The following OSBP2 variants were observed in gnomAD, a reference collection of about 807,000 sequenced individuals.
OSBP2 encodes the protein oxysterol-binding protein 2.
Under a neutral mutation model 96.0 loss-of-function variants are expected in OSBP2, and 66 were observed. The observed-to-expected ratio is 0.69, with a 90% CI of 0.56 to 0.84. OSBP2 has a LOEUF of 0.84. Ranked by LOEUF, OSBP2 falls within the 40% of genes least tolerant of loss-of-function variation. OSBP2 has a pLI of 0.00. For missense variants in OSBP2, 1,038 were observed against 1,222.7 expected (o/e 0.85, Z 2.25); for synonymous variants, 525 against 520.9 (o/e 1.01, Z -0.11).
At chr22:30,889,794 A>C (rs565620488) in intron 7 of OSBP2, among the ~76,000 whole-genome samples, 158 bp downstream of exon 7, 2 of 152,296 alleles carry the variant, frequency 1.3e-5, no homozygotes, top group East Asian at 3.9e-4. Context: ...AATCGTGCAC[A>C]TAGGCATTGC....
chr22:30,760,812 T>C (rs759906248), intron 2 of OSBP2, among the ~76,000 whole-genome samples: 12 of 151,286 alleles, frequency 7.9e-5, no homozygotes, highest in Non-Finnish European at 1.5e-4. Context: ...AGCAAGACTC[T>C]GTCTCAAAAA....
chr22:30,700,757 T>C (rs1285988015), intron 1 of OSBP2, among the ~76,000 whole-genome samples: 1 of 152,064 alleles, frequency 6.6e-6, no homozygotes, highest in Non-Finnish European at 1.5e-5. Context: ...CCTAGGTCTA[T>C]AAGGTAGATA....
chr22:30,810,764 T>G (rs534848542), intron 2 of OSBP2, among the ~76,000 whole-genome samples: 2 of 152,346 alleles, frequency 1.3e-5, no homozygotes, highest in African/African-American at 4.8e-5. Context: ...CCTCTCTGAT[T>G]GCTGCCTGCC....
chr22:30,802,031 G>C (rs1001700874), intron 2 of OSBP2, among the ~76,000 whole-genome samples: 1 of 152,132 alleles, frequency 6.6e-6, no homozygotes, highest in African/African-American at 2.4e-5. Context: ...ATTTAGTTCC[G>C]TGAAGGTAGG....
chr22:30,819,600 G>A (rs1298076809), intron 2 of OSBP2, among the ~76,000 whole-genome samples: 1 of 152,210 alleles, frequency 6.6e-6, no homozygotes, highest in Non-Finnish European at 1.5e-5. Context: ...AGATTTTTAA[G>A]TATTTCACAT....
chr22:30,694,797 C>T, upstream of OSBP2: 2 of 555,896 alleles, frequency 3.6e-6, no homozygotes, highest in Non-Finnish European at 4.5e-6. Flanking sequence ...CGCGGAGGAA[C>T]CCGCGCGCGC....
At chr22:30,775,763 A>G (rs922551436) in intron 2 of OSBP2, among the ~76,000 whole-genome samples, 9 of 152,042 alleles carry the variant, frequency 5.9e-5, no homozygotes, top group Non-Finnish European at 1.3e-4. Flanking sequence ...ATAGGTGTGT[A>G]TATTTATGGG....
At chr22:30,740,314 G>C (rs551949238) in intron 1 of OSBP2, among the ~76,000 whole-genome samples, 4 of 152,314 alleles carry the variant, frequency 2.6e-5, no homozygotes, top group Admixed American at 2.6e-4. Flanking sequence ...ATCGATGTGG[G>C]TGGTGCCAGC....
chr22:30,869,904 G>T (rs1156513016), intron 2 of OSBP2, among the ~76,000 whole-genome samples: 11 of 152,186 alleles, frequency 7.2e-5, no homozygotes, highest in Non-Finnish European at 1.5e-5. Context: ...CCTTTGCAGG[G>T]AACAGGGGAC....
intron 2 of OSBP2, among the ~76,000 whole-genome samples, chr22:30,806,407 G>A (rs1165287808): frequency 6.6e-6 from 1 of 152,200 alleles, no homozygotes; most frequent in Non-Finnish European, 1.5e-5. Context: ...GGAAGAGCTG[G>A]TGTCAGGTAC....
At chr22:30,774,594 C>T (rs1286944706) in intron 2 of OSBP2, among the ~76,000 whole-genome samples, 1 of 152,188 alleles carries the variant, frequency 6.6e-6, no homozygotes, top group African/African-American at 2.4e-5. Context: ...AAGCACAGAC[C>T]GTGCAAATCC....
In OSBP2 at chr22:30,906,466, T is replaced by G; in HGVS notation, c.*127T>G. On this transcript the variant is annotated 3_prime_UTR_variant, in exon 14 of 14. Transcript: ENST00000332585. ...CAGCCCTTCCTATTTCCTTTCCTAT[T>G]TTTTTTTTCTCCCCACACTTTCTTG... 1 of 1,182,802 alleles carries G rather than the reference T, an allele frequency of 8.5e-7. No individual in the cohort carries two copies. The highest frequency in any genetic ancestry group is 1.1e-6 in the Non-Finnish European group (1 of 891,708). 73.3% of individuals were successfully genotyped at this position (1,182,802 alleles called of 1,614,324 possible).
At chr22:30,708,017 C>T (rs2089283547) in intron 1 of OSBP2, among the ~76,000 whole-genome samples, 2 of 151,544 alleles carry the variant, frequency 1.3e-5, no homozygotes, top group African/African-American at 4.8e-5. Flanking sequence ...CCTCCCGAGT[C>T]GATGGGATTA....
chr22:30,893,310 T>C lies in OSBP2; in HGVS notation c.1990+68T>C, dbSNP rs932045257. On this transcript the variant is annotated intron_variant, in intron 9 of 13. Transcript: ENST00000332585. The stretch of plus-strand genomic sequence containing the variant: ...TGCATAAGAGGGAGGATTCTGGTGA[T>C]GCAAAAGCCAGCTGGGGGCTTCCAA... The C allele has an allele frequency of 2.5e-6, 4 of 1,606,484 alleles. No individual in the cohort carries two copies. In the African/African-American group the frequency reaches 5.3e-5, roughly 21 times the overall value.
intron 2 of OSBP2, among the ~76,000 whole-genome samples, chr22:30,741,922 C>A (rs2089943228): frequency 6.6e-6 from 1 of 151,914 alleles, no homozygotes; most frequent in Non-Finnish European, 1.5e-5. Flanking sequence ...CGTGTTCAAG[C>A]AATTATCCTG....
chr22:30,857,140 T>A (rs920252677), intron 2 of OSBP2, among the ~76,000 whole-genome samples: 9 of 152,218 alleles, frequency 5.9e-5, no homozygotes, highest in Non-Finnish European at 1.0e-4. Flanking sequence ...CGGTAGTGAC[T>A]GCAGCAGCCC....
chr22:30,738,443 G>A (rs2089887477), intron 1 of OSBP2, among the ~76,000 whole-genome samples: 1 of 152,054 alleles, frequency 6.6e-6, no homozygotes, highest in Admixed American at 6.6e-5. Flanking sequence ...TCGAACAAAA[G>A]ATACCAGCAG....
chr22:30,903,292 C>T (rs1468707609), intron 12 of OSBP2, among the ~76,000 whole-genome samples: 1 of 152,222 alleles, frequency 6.6e-6, no homozygotes, highest in Non-Finnish European at 1.5e-5. Context: ...TGAACTGCAC[C>T]TTGTTGGTAT....
At chr22:30,900,612 G>A (rs2040173915) in intron 12 of OSBP2, among the ~76,000 whole-genome samples, 1 of 151,894 alleles carries the variant, frequency 6.6e-6, no homozygotes, top group African/African-American at 2.4e-5. Flanking sequence ...AGATTAGTGA[G>A]CCCAGAAACA....
Sources: gnomAD v4.1 joint callset for allele counts (sites outside exome capture counted in the v4.1 genomes callset) on GRCh38, gnomAD v4.1.1 for gene constraint, MANE v1.5 for transcripts, NCBI Gene and HGNC (gene_info 2026-07-23, HGNC 2026-07-21) for gene names.